The following RFTN1 variants were observed in gnomAD, a reference collection of about 807,000 sequenced individuals.
RFTN1 encodes raftlin, lipid raft linker 1.
RFTN1 carries 26 observed loss-of-function variants against 46.5 expected under a neutral mutation model. That is an observed-to-expected ratio of 0.56 (90% confidence interval 0.41 to 0.78). The LOEUF is 0.78. Ranked by LOEUF, RFTN1 falls within the 30% of genes least tolerant of loss-of-function variation. The pLI is 0.00. For missense variants in RFTN1, 693 were observed against 718.7 expected, an observed-to-expected ratio of 0.96 and a Z score of 0.41; for synonymous variants, 261 against 284.2, an observed-to-expected ratio of 0.92 and a Z score of 0.82.
In RFTN1 at chr3:16,402,299, A is replaced by C. The variant is rs1454115146; in HGVS notation, c.441+7076T>G. Among the ~76,000 whole-genome samples the C allele has an allele frequency of 6.6e-6, 1 of 152,162 alleles. No individual in the cohort carries two copies. Among genetic ancestry groups the C allele is most frequent in the Non-Finnish European group, 1.5e-5 (1 of 68,018 alleles). ...TTATGTATTAAGTCCTGAAGACACA[A>C]CAGTAAGCAGGGTACCCCATTGCCC... On this transcript the variant is annotated intron_variant, in intron 4 of 9. Coordinates refer to ENST00000334133, the MANE Select transcript of RFTN1 (RefSeq NM_015150.2). This position sits in a 1 kb window ranked among gnomAD's most constrained non-coding sequence, Gnocchi z 4.5.
intron 2 of RFTN1, among the ~76,000 whole-genome samples, chr3:16,437,720 T>C (rs2075544215): frequency 6.6e-6 from 1 of 152,092 alleles, no homozygotes; most frequent in South Asian, 2.1e-4. Context: ...TAAGCTCCAA[T>C]ACGGCTTGCA....
rs186054520 is a variant in RFTN1 at position 16,422,832 on chromosome 3, T to C, written c.332+11019A>G. The stretch of plus-strand genomic sequence containing the variant: ...CAATGGCAAAGTTAGGTTAACTTAA[T>C]AAGTGCTCTTGGCAAAGGTGGCTAC... On this transcript the variant is annotated intron_variant, in intron 3 of 9. Transcript: ENST00000334133. This position sits in a 1 kb window ranked among gnomAD's most constrained non-coding sequence, Gnocchi z 4.6. Among the ~76,000 whole-genome samples, 1 of 152,164 alleles carries C rather than the reference T, an allele frequency of 6.6e-6. No individual in the cohort carries two copies. Among genetic ancestry groups the C allele is most frequent in the Admixed American group, 6.5e-5 (1 of 15,276 alleles).
intron 1 of RFTN1, among the ~76,000 whole-genome samples, chr3:16,495,417 C>T (rs1197747959): frequency 1.3e-5 from 2 of 152,224 alleles, no homozygotes; most frequent in African/African-American, 4.8e-5. Flanking sequence ...CTCATTCATG[C>T]AGATTTACTC....
At position 16,383,600 on chromosome 3, in the gene RFTN1, A is replaced by G. The variant is rs566017654; in HGVS notation, c.442-5498T>C. ...TTTCTAGGATGGATTGTCTGTTTCT[A>G]TGTCCAAAATGAATACCATGTTGCT... is the stretch of plus-strand genomic sequence containing the variant. On this transcript the variant is annotated intron_variant, in intron 4 of 9. Transcript: ENST00000334133. The surrounding 1 kb of genome is among the most constrained non-coding windows in gnomAD (Gnocchi z 4.0). Among the ~76,000 whole-genome samples the G allele has an allele frequency of 7.9e-5, 12 of 152,364 alleles. No individual in the cohort carries two copies. The highest frequency in any genetic ancestry group is 2.6e-4 in the African/African-American group (11 of 41,594).
rs1328734478 is a variant in RFTN1 at position 16,356,732 on chromosome 3, T to C, written c.1146+1200A>G. Among the ~76,000 whole-genome samples, 1 of 152,242 alleles carries C rather than the reference T, an allele frequency of 6.6e-6. No homozygotes were observed. The highest frequency in any genetic ancestry group is 1.5e-5 in the Non-Finnish European group (1 of 68,044). ...CCTCACAAAGGGTTGTATCCACCTC[T>C]GTCTTCCCTCGGCCTGGAGAGCCCT... On this transcript the variant is annotated intron_variant, in intron 7 of 9. Transcript: ENST00000334133. This position sits in a 1 kb window ranked among gnomAD's most constrained non-coding sequence, Gnocchi z 4.9.
chr3:16,377,634 T>G, intron 5 of RFTN1, 84 bp downstream of exon 5: 1 of 1,508,062 alleles, frequency 6.6e-7, no homozygotes, highest in Non-Finnish European at 8.9e-7. Context: ...TCCATTCCTT[T>G]TTCTCTGAGA....
chr3:16,472,989 T>A (rs1362231553), intron 2 of RFTN1, among the ~76,000 whole-genome samples: 2 of 152,136 alleles, frequency 1.3e-5, no homozygotes, highest in Non-Finnish European at 2.9e-5. Context: ...GTCAGACAGG[T>A]AGGGCGACCC....
chr3:16,391,451 T>C (rs77745778), intron 4 of RFTN1, among the ~76,000 whole-genome samples: 486 of 152,324 alleles, frequency 3.2e-3, no homozygotes, highest in African/African-American at 0.011. Flanking sequence ...AAATGAATCA[T>C]TTAAAGTTTA....
intron 3 of RFTN1, among the ~76,000 whole-genome samples, chr3:16,414,766 C>T (rs57928681): frequency 0.29 from 43,571 of 151,868 alleles, 7,140 homozygotes; most frequent in East Asian, 0.45. Context: ...GGTAAGGGAC[C>T]GGGCTCATCC....
rs1376700614 is a variant in RFTN1 at position 16,451,726 on chromosome 3, A to G, written c.146-17689T>C. On this transcript the variant is annotated intron_variant, in intron 2 of 9. Transcript: ENST00000334133. The surrounding 1 kb of genome is among the most constrained non-coding windows in gnomAD (Gnocchi z 4.2). ...CCTGAGGTGTGACAGCAAAACTACT[A>G]GCGTGATTTTTTTTTCCTTCCTCAC... Among the ~76,000 whole-genome samples the G allele has an allele frequency of 6.6e-6, 1 of 152,128 alleles. No homozygotes were observed. Among genetic ancestry groups the G allele is most frequent in the Non-Finnish European group, 1.5e-5 (1 of 68,018 alleles).
rs1006411297 is a variant in RFTN1, at chr3:16,344,939, C to G, written c.1146+12993G>C. 5.3e-5 allele frequency among the ~76,000 whole-genome samples: 8 copies of G among 152,234 alleles called. No homozygotes were observed. The highest frequency in any genetic ancestry group is 1.0e-4 in the Non-Finnish European group (7 of 68,044). Reference sequence around the variant, plus strand: ...TTCTCTCTGGAGAACCATTTGCCCTCTCTTCATCTGTGGCTCTCAAACTAT... The same window carrying G: ...TTCTCTCTGGAGAACCATTTGCCCTGTCTTCATCTGTGGCTCTCAAACTAT... On this transcript the variant is annotated intron_variant, in intron 7 of 9. Coordinates refer to ENST00000334133, the MANE Select transcript of RFTN1 (RefSeq NM_015150.2). This position sits in a 1 kb window ranked among gnomAD's most constrained non-coding sequence, Gnocchi z 4.4.
At position 16,326,618 on chromosome 3, in the gene RFTN1, A is replaced by G. The variant is rs542205436; in HGVS notation, c.1250+155T>C. Among the ~76,000 whole-genome samples, 9 of 152,292 alleles carry G rather than the reference A, an allele frequency of 5.9e-5. No individual in the cohort carries two copies. In the South Asian group the frequency reaches 1.9e-3, roughly 32 times the overall value. On this transcript the variant is annotated intron_variant, in intron 8 of 9. Transcript: ENST00000334133. ...GGGTGACGGTGGTTAAGAATGTGAA[A>G]TTCTGGCTCTGCTGCTTCCCAGTGG...
At chr3:16,435,286 C>T (rs981436957) in intron 2 of RFTN1, among the ~76,000 whole-genome samples, 8 of 152,162 alleles carry the variant, frequency 5.3e-5, no homozygotes, top group Non-Finnish European at 7.4e-5. Flanking sequence ...GTATACTTTT[C>T]GGCCAGGGGC....
intron 7 of RFTN1, among the ~76,000 whole-genome samples, chr3:16,354,021 G>A (rs1219753031): frequency 2.6e-5 from 4 of 152,218 alleles, no homozygotes; most frequent in Non-Finnish European, 4.4e-5. Flanking sequence ...AGTTCTCCAG[G>A]TGATTCTGAT....
At position 16,466,801 on chromosome 3, in the gene RFTN1, C is replaced by A. The variant is rs182934599; in HGVS notation, c.145+26924G>T. 6.6e-6 allele frequency among the ~76,000 whole-genome samples: 1 copy of A among 152,318 alleles called. No individual in the cohort carries two copies. Among genetic ancestry groups the A allele is most frequent in the Non-Finnish European group, 1.5e-5 (1 of 68,024 alleles). ...ACACTGAGACACACATACACAGACA[C>A]ACATACGCTTCTCATAGCTGAAAAC... On this transcript the variant is annotated intron_variant, in intron 2 of 9. Transcript: ENST00000334133. The surrounding 1 kb of genome is among the most constrained non-coding windows in gnomAD (Gnocchi z 5.6).
intron 7 of RFTN1, chr3:16,347,601 G>C (rs1052861697): frequency 3.3e-5 from 5 of 152,180 alleles, no homozygotes; most frequent in African/African-American, 1.2e-4. Context: ...CTGTTACACA[G>C]ATGCATACCC....
intron 4 of RFTN1, among the ~76,000 whole-genome samples, chr3:16,397,340 T>C (rs1594090): frequency 1.3e-5 from 2 of 151,994 alleles, no homozygotes; most frequent in Non-Finnish European, 1.5e-5. Context: ...CTGGTTACTA[T>C]GGCAGAAAGG....
chr3:16,350,492 C>CTT (rs11324617), intron 7 of RFTN1, among the ~76,000 whole-genome samples: 16 of 146,630 alleles, frequency 1.1e-4, no homozygotes, highest in African/African-American at 3.5e-4. Context: ...AGATGAATCA[C>CTT]TTTTTTTTTT....
At chr3:16,369,420 T>G (rs913870037) in intron 6 of RFTN1, among the ~76,000 whole-genome samples, 1 of 152,248 alleles carries the variant, frequency 6.6e-6, no homozygotes, top group African/African-American at 2.4e-5. Context: ...CTCCCAGACT[T>G]GACACACCCT....
Sources: gnomAD v4.1 joint callset for allele counts (sites outside exome capture counted in the v4.1 genomes callset) on GRCh38, gnomAD v4.1.1 for gene constraint, Gnocchi (gnomAD v3.1) non-coding constraint, MANE v1.5 for transcripts, NCBI Gene and HGNC (gene_info 2026-07-23, HGNC 2026-07-21) for gene names.